GSE1: variants seen among roughly 807,000 people sequenced by gnomAD.
GSE1 encodes the protein genetic suppressor element 1.
In GSE1, 32 loss-of-function variants were observed where a neutral mutation model predicts 112.6. The observed-to-expected ratio is 0.28, with a 90% CI of 0.21 to 0.38. The LOEUF (loss-of-function observed/expected upper bound fraction) is 0.38. Among genes scored for constraint, GSE1 ranks in the 10% least tolerant of loss-of-function variants. GSE1 has a pLI of 1.00. For missense variants in GSE1, 2,348 were observed against 1,699.2 expected, an observed-to-expected ratio of 1.38 and a Z score of -6.71; for synonymous variants, 1,115 against 735.6, an observed-to-expected ratio of 1.52 and a Z score of -8.35.
Position 85,663,513 on chromosome 16 carries a change from G to C in GSE1, c.2543G>C (p.Arg848Pro), listed in dbSNP as rs374695709. 3.7e-6 allele frequency: 6 copies of C among 1,613,644 alleles called. No homozygotes were observed. In the African/African-American group the frequency reaches 8.0e-5, roughly 22 times the overall value. Residue 848 changes from arginine to proline, a missense_variant, in exon 11 of 16, where the codon CGC becomes CCC. Arg to Pro is a moderately radical substitution (Grantham distance 103). Coordinates refer to ENST00000253458, the MANE Select transcript of GSE1 (RefSeq NM_014615.5). ...TPSPRLALST[R>P]YSPDEMNNSP... is the part of the protein sequence containing the mutation. ...TCACCGAGACTGGCGCTGTCTACCC[G>C]CTACAGCCCTGATGAGATGAACAAC... is the stretch of plus-strand genomic sequence containing the variant.
chr16:85,228,627 G>A (rs553153557), intron 1 of GSE1, among the ~76,000 whole-genome samples: 13 of 152,358 alleles, frequency 8.5e-5, no homozygotes, highest in African/African-American at 3.1e-4. Context: ...CCTGCCTGCA[G>A]TGTATGCCTA....
At chr16:85,313,465 A>G (rs1026977309) in intron 1 of GSE1, among the ~76,000 whole-genome samples, 2 of 152,084 alleles carry the variant, frequency 1.3e-5, no homozygotes, top group Non-Finnish European at 1.5e-5. Flanking sequence ...CTTGCAGACA[A>G]CGGGCCCCTT....
intron 1 of GSE1, among the ~76,000 whole-genome samples, chr16:85,581,001 C>T (rs1433317701): frequency 2.0e-5 from 3 of 152,252 alleles, no homozygotes; most frequent in African/African-American, 7.2e-5. Context: ...GTTGCTGAGG[C>T]CCTGGAGGTG....
At chr16:85,637,103 T>C (rs1324377447) in intron 2 of GSE1, among the ~76,000 whole-genome samples, 2 of 152,226 alleles carry the variant, frequency 1.3e-5, no homozygotes, top group Admixed American at 6.5e-5. Flanking sequence ...TCCTACACAG[T>C]TGTGTGACCA....
chr16:85,569,853 G>T (rs751361251), intron 1 of GSE1, among the ~76,000 whole-genome samples: 6 of 152,176 alleles, frequency 3.9e-5, no homozygotes, highest in African/African-American at 1.4e-4. Context: ...CCTGCCCACC[G>T]CCTGGACAGA....
At chr16:85,485,324 A>G (rs1348213938) in intron 2 of GSE1, among the ~76,000 whole-genome samples, 2 of 152,214 alleles carry the variant, frequency 1.3e-5, no homozygotes, top group African/African-American at 2.4e-5. Flanking sequence ...GCCTGCAGTC[A>G]CACAGCAGGG....
chr16:85,220,893 C>G (rs948222628), intron 1 of GSE1, among the ~76,000 whole-genome samples: 1 of 151,808 alleles, frequency 6.6e-6, no homozygotes, highest in Non-Finnish European at 1.5e-5. Flanking sequence ...ATCGTGCCCC[C>G]CACTGCTTCC....
chr16:85,300,790 A>G (rs1597334220), intron 1 of GSE1, among the ~76,000 whole-genome samples: 1 of 151,238 alleles, frequency 6.6e-6, no homozygotes, highest in Non-Finnish European at 1.5e-5. Flanking sequence ...GTGAGGCAGG[A>G]TTTACAGTCA....
chr16:85,468,832 CA>C (rs1444299186), intron 2 of GSE1, among the ~76,000 whole-genome samples: 2 of 152,218 alleles, frequency 1.3e-5, no homozygotes, highest in Non-Finnish European at 2.9e-5. Context: ...TGACCATCTA[CA>C]CTGGGTTGAA....
At chr16:85,514,327 C>T (rs1451874963) in intron 2 of GSE1, among the ~76,000 whole-genome samples, 1 of 152,026 alleles carries the variant, frequency 6.6e-6, no homozygotes, top group African/African-American at 2.4e-5. Context: ...CTGGAAACAC[C>T]TCTGCACTGC....
At chr16:85,613,294 C>T (rs2048118657), upstream of GSE1, 13 of 1,540,498 alleles carry the variant, frequency 8.4e-6, no homozygotes, top group Non-Finnish European at 8.8e-6. Flanking sequence ...CGAGCTGCCG[C>T]CGCCGAGCAG....
chr16:85,459,196 A>G (rs979953696), intron 2 of GSE1, among the ~76,000 whole-genome samples: 1 of 152,142 alleles, frequency 6.6e-6, no homozygotes, highest in African/African-American at 2.4e-5. Context: ...ATCTAGAACA[A>G]CCACCGTGCC....
At chr16:85,633,048 A>T (rs1226783004) in intron 1 of GSE1, among the ~76,000 whole-genome samples, 1 of 151,404 alleles carries the variant, frequency 6.6e-6, no homozygotes, top group East Asian at 1.9e-4. Flanking sequence ...ACTGGCCGGG[A>T]GGGCCAGGTC....
At chr16:85,551,662 T>G (rs563329108), upstream of GSE1, among the ~76,000 whole-genome samples, 2 of 152,240 alleles carry the variant, frequency 1.3e-5, no homozygotes, top group South Asian at 4.1e-4. Flanking sequence ...TCTCATATTT[T>G]CCTCCCTTAC....
intron 2 of GSE1, among the ~76,000 whole-genome samples, chr16:85,390,198 G>A (rs2047805712): frequency 6.6e-6 from 1 of 152,216 alleles, no homozygotes; most frequent in South Asian, 2.1e-4. Flanking sequence ...ATCTGGGACA[G>A]TCGCTGGCAC....
intron 1 of GSE1, among the ~76,000 whole-genome samples, chr16:85,604,512 C>T (rs1482397231): frequency 6.6e-6 from 1 of 151,642 alleles, no homozygotes. Context: ...TTTCATGCCT[C>T]ACTGTGTATC....
intron 1 of GSE1, among the ~76,000 whole-genome samples, chr16:85,296,118 G>A (rs1049710537): frequency 6.6e-6 from 1 of 152,100 alleles, no homozygotes; most frequent in Non-Finnish European, 1.5e-5. Context: ...CAAGGCTGAG[G>A]GGGGATGTGG....
intron 2 of GSE1, among the ~76,000 whole-genome samples, chr16:85,411,215 CGGATAAT>C (rs2048533692): frequency 1.8e-5 from 1 of 56,124 alleles, no homozygotes; most frequent in Non-Finnish European, 3.4e-5. Flanking sequence ...TCAGGGCCCC[CGGATAAT>C]CCTCACTGTT....
chr16:85,188,118 C>A (rs532196094), intron 1 of GSE1, among the ~76,000 whole-genome samples: 2 of 152,174 alleles, frequency 1.3e-5, no homozygotes, highest in Non-Finnish European at 2.9e-5. Flanking sequence ...TGGAAACCTG[C>A]GAGTGGCTGG....
Sources: gnomAD v4.1 joint callset for allele counts (sites outside exome capture counted in the v4.1 genomes callset) on GRCh38, gnomAD v4.1.1 for gene constraint, MANE v1.5 for transcripts, NCBI Gene and HGNC (gene_info 2026-07-23, HGNC 2026-07-21) for gene names.